CTNNA2: variants seen among roughly 807,000 people sequenced by gnomAD.
CTNNA2 encodes the protein catenin alpha 2.
In CTNNA2, 42 loss-of-function variants were observed where a neutral mutation model predicts 101.0. That is an observed-to-expected ratio of 0.42 (90% CI 0.32 to 0.54). CTNNA2 has a LOEUF of 0.54. Ranked by LOEUF, CTNNA2 falls within the 20% of genes least tolerant of loss-of-function variation. The probability of loss-of-function intolerance (pLI) is 0.14; values close to 1 mark genes in which losing one functional copy is unlikely to be tolerated. For missense variants in CTNNA2, 871 were observed against 1,223.1 expected (o/e 0.71, Z 4.29); for synonymous variants, 450 against 456.4 (o/e 0.99, Z 0.18).
chr2:79,976,001 T>C (rs1030937165), intron 7 of CTNNA2, among the ~76,000 whole-genome samples: 4 of 152,202 alleles, frequency 2.6e-5, no homozygotes, highest in Admixed American at 2.6e-4. Context: ...CCTCTAATCA[T>C]GCCTTGGTCT....
At chr2:79,875,865 AAAT>A (rs1164623192) in intron 6 of CTNNA2, among the ~76,000 whole-genome samples, 1 of 152,190 alleles carries the variant, frequency 6.6e-6, no homozygotes, top group African/African-American at 2.4e-5. Flanking sequence ...TGAGAGTTCA[AAAT>A]AATGTTTACT....
At chr2:80,349,909 T>C (rs1673126428) in intron 7 of CTNNA2, among the ~76,000 whole-genome samples, 1 of 152,158 alleles carries the variant, frequency 6.6e-6, no homozygotes, top group African/African-American at 2.4e-5. Flanking sequence ...TTATTTCAAC[T>C]TATTTGAAAT....
intron 1 of CTNNA2, among the ~76,000 whole-genome samples, chr2:79,599,907 G>T (rs762211912): frequency 2.0e-5 from 3 of 152,126 alleles, no homozygotes; most frequent in African/African-American, 7.2e-5. Flanking sequence ...ACCATGTCTT[G>T]TGAAGAGCAA....
chr2:80,568,578 TG>T (rs1694273842), intron 12 of CTNNA2, among the ~76,000 whole-genome samples: 1 of 151,788 alleles, frequency 6.6e-6, no homozygotes, highest in African/African-American at 2.4e-5. Flanking sequence ...TGTGTGTGTG[TG>T]TGTGTGTGTG....
At chr2:79,249,130 G>A (rs923647649) in intron 2 of CTNNA2, among the ~76,000 whole-genome samples, 5 of 152,218 alleles carry the variant, frequency 3.3e-5, no homozygotes, top group Non-Finnish European at 7.4e-5. Flanking sequence ...TTCTATATCT[G>A]TAAAATGGCA....
intron 2 of CTNNA2, among the ~76,000 whole-genome samples, chr2:79,250,631 A>G (rs1674759396): frequency 6.6e-6 from 1 of 152,112 alleles, no homozygotes; most frequent in Non-Finnish European, 1.5e-5. Flanking sequence ...AGTCTCTGGG[A>G]TATCTGCTAC....
chr2:79,845,372 T>C (rs1262073807), intron 3 of CTNNA2, among the ~76,000 whole-genome samples: 19 of 151,954 alleles, frequency 1.3e-4, no homozygotes, highest in Non-Finnish European at 4.4e-5. Flanking sequence ...TAAATGCTTA[T>C]TGAATAAATA....
At chr2:80,343,307 A>C (rs1429199301) in intron 7 of CTNNA2, among the ~76,000 whole-genome samples, 1 of 151,882 alleles carries the variant, frequency 6.6e-6, no homozygotes, top group Non-Finnish European at 1.5e-5. Flanking sequence ...CATTGTAATG[A>C]GGCAAGAATA....
chr2:79,961,644 A>C (rs1267692892), intron 7 of CTNNA2, among the ~76,000 whole-genome samples: 1 of 151,962 alleles, frequency 6.6e-6, no homozygotes. Flanking sequence ...AACACGGTGA[A>C]ACCCCGTCTC....
At chr2:79,491,913 G>A (rs1225689056) in intron 4 of CTNNA2, among the ~76,000 whole-genome samples, 1 of 152,166 alleles carries the variant, frequency 6.6e-6, no homozygotes, top group Admixed American at 6.5e-5. Flanking sequence ...CTGATTGTAA[G>A]GACATCTGGG....
intron 7 of CTNNA2, among the ~76,000 whole-genome samples, chr2:80,287,556 T>C (rs1674880552): frequency 6.6e-6 from 1 of 152,156 alleles, no homozygotes; most frequent in Non-Finnish European, 1.5e-5. Context: ...ACGATAGTAA[T>C]AACACTTACT....
intron 4 of CTNNA2, among the ~76,000 whole-genome samples, chr2:79,398,420 A>G (rs541292218): frequency 6.6e-6 from 1 of 152,210 alleles, no homozygotes; most frequent in East Asian, 1.9e-4. Flanking sequence ...ACTCATGCCT[A>G]TAGTCTACAG....
At chr2:80,155,815 A>T (rs1337694942) in intron 7 of CTNNA2, among the ~76,000 whole-genome samples, 1 of 152,126 alleles carries the variant, frequency 6.6e-6, no homozygotes, top group Non-Finnish European at 1.5e-5. Context: ...ATTCAAATCC[A>T]TGGTTTGCCA....
intron 13 of CTNNA2, 152 bp from the exon 14 acceptor site, chr2:80,581,554 C>A: frequency 2.1e-6 from 1 of 481,644 alleles, no homozygotes; most frequent in East Asian, 3.0e-5. Context: ...GACTGCATTC[C>A]GGCTAATACT....
chr2:79,599,208 A>G (rs1677392281), intron 1 of CTNNA2, among the ~76,000 whole-genome samples: 1 of 152,154 alleles, frequency 6.6e-6, no homozygotes, highest in African/African-American at 2.4e-5. Flanking sequence ...CTGTAGATTT[A>G]TAGTAAGTCT....
intron 7 of CTNNA2, among the ~76,000 whole-genome samples, chr2:79,931,413 A>G (rs900956241): frequency 2.6e-5 from 4 of 151,998 alleles, no homozygotes; most frequent in African/African-American, 9.7e-5. Flanking sequence ...ATTCTATTCT[A>G]TGCTTCTGTG....
intron 18 of CTNNA2, among the ~76,000 whole-genome samples, chr2:80,640,793 T>A (rs1314664691): frequency 3.3e-5 from 5 of 152,154 alleles, no homozygotes; most frequent in Admixed American, 1.3e-4. Context: ...GCAAGCAATA[T>A]GTGACTCCTT....
chr2:80,492,017 G>T (rs1573025604), intron 9 of CTNNA2, among the ~76,000 whole-genome samples: 4 of 152,064 alleles, frequency 2.6e-5, no homozygotes, highest in African/African-American at 7.2e-5. Flanking sequence ...ACTATTTTTT[G>T]TCTGGGAATG....
intron 9 of CTNNA2, among the ~76,000 whole-genome samples, chr2:80,456,133 A>T (rs991786641): frequency 1.3e-5 from 2 of 152,176 alleles, no homozygotes; most frequent in African/African-American, 4.8e-5. Context: ...GATGTGCTGA[A>T]TGCATCTCCT....
Sources: gnomAD v4.1 joint callset for allele counts (sites outside exome capture counted in the v4.1 genomes callset) on GRCh38, gnomAD v4.1.1 for gene constraint, MANE v1.5 for transcripts, NCBI Gene and HGNC (gene_info 2026-07-23, HGNC 2026-07-21) for gene names.